Variants in ADK observed in about 807,000 individuals in gnomAD.
The protein encoded by ADK is N6,N6-dimethyladenosine kinase.
Under a neutral mutation model 44.7 loss-of-function variants are expected in ADK, and 24 were observed. That is an observed-to-expected ratio of 0.54 (90% CI 0.39 to 0.76). The LOEUF is 0.76. Among genes scored for constraint, ADK ranks in the 30% least tolerant of loss-of-function variants. ADK has a pLI of 0.00. For synonymous variants in ADK, 128 were observed against 142.6 expected (o/e 0.90, Z 0.73); for missense variants, 321 against 425.1 (o/e 0.76, Z 2.15).
In ADK at chr10:74,626,302, A is replaced by ATT. The variant is rs571501922; in HGVS notation, c.877+25826_877+25827dup. On this transcript the variant is annotated intron_variant, in intron 9 of 10. Coordinates refer to ENST00000539909, the MANE Select transcript of ADK (RefSeq NM_006721.4). ...AATATGTCTTCACTAAAGAGTCTAA[A>ATT]TTTTTTTTTTTTTTTTTTGGAGGAG... Among the ~76,000 whole-genome samples, 784 of 139,814 alleles carry ATT rather than the reference A, an allele frequency of 5.6e-3. 6 individuals carry two copies. The highest frequency in any genetic ancestry group is 0.018 in the African/African-American group (672 of 37,600). The allele number at this position is 139,814 out of a possible 152,430, so 91.7% of individuals were successfully genotyped here. A position where few individuals can be genotyped will look rare whatever the true frequency, so the allele number is the denominator to read the frequency against.
intron 9 of ADK, among the ~76,000 whole-genome samples, chr10:74,630,595 A>G (rs1319795219): frequency 6.6e-6 from 1 of 152,174 alleles, no homozygotes; most frequent in Non-Finnish European, 1.5e-5. Context: ...TCAGTGAATC[A>G]TATTCAAAGA....
intron 3 of ADK, among the ~76,000 whole-genome samples, chr10:74,300,170 C>A (rs952376407): frequency 1.5e-4 from 23 of 151,726 alleles, no homozygotes; most frequent in African/African-American, 5.6e-4. Flanking sequence ...AGGTGTGAGC[C>A]ATCATGTCCC....
At chr10:74,301,110 A>G (rs1840016888) in intron 3 of ADK, among the ~76,000 whole-genome samples, 2 of 152,246 alleles carry the variant, frequency 1.3e-5, no homozygotes, top group Non-Finnish European at 2.9e-5. Flanking sequence ...TTGGATTTAT[A>G]TCAGTATTTG....
chr10:74,446,778 C>G (rs1278871733), intron 6 of ADK, among the ~76,000 whole-genome samples: 2 of 151,974 alleles, frequency 1.3e-5, no homozygotes, highest in Non-Finnish European at 2.9e-5. Flanking sequence ...ATTGTATTTC[C>G]TCCTATTTAG....
intron 6 of ADK, among the ~76,000 whole-genome samples, chr10:74,412,278 G>A (rs1032236543): frequency 6.6e-6 from 1 of 151,982 alleles, no homozygotes; most frequent in African/African-American, 2.4e-5. Flanking sequence ...AATCTCCCAG[G>A]CAAGCTCAAG....
intron 7 of ADK, among the ~76,000 whole-genome samples, chr10:74,559,338 T>C (rs751167101): frequency 6.0e-4 from 91 of 152,260 alleles, no homozygotes; most frequent in Admixed American, 1.0e-3. Flanking sequence ...TAATTCTGTT[T>C]TGTATCTTCT....
intron 3 of ADK, among the ~76,000 whole-genome samples, chr10:74,303,668 C>T (rs1396803018): frequency 7.8e-6 from 1 of 127,554 alleles, no homozygotes; most frequent in Non-Finnish European, 1.6e-5. Context: ...TTTCAAAGTC[C>T]TTGCTTTTAA....
At chr10:74,233,397 TGGTAGTTGTGGACGTAA>T (rs1844850520) in intron 3 of ADK, among the ~76,000 whole-genome samples, 1 of 152,180 alleles carries the variant, frequency 6.6e-6, no homozygotes, top group East Asian at 1.9e-4. Context: ...GGCTTGGTCC[TGGTAGTTGTGGACGTAA>T]GGTAGAGTGG....
chr10:74,398,664 ATC>A, intron 6 of ADK, 85 bp downstream of exon 6: 1 of 717,088 alleles, frequency 1.4e-6, no homozygotes, highest in Non-Finnish European at 2.2e-6. Flanking sequence ...TAAAATAATT[ATC>A]TTTTATTTAC....
chr10:74,575,836 G>A (rs980717874), intron 7 of ADK, among the ~76,000 whole-genome samples: 22 of 152,156 alleles, frequency 1.4e-4, no homozygotes, highest in African/African-American at 5.3e-4. Flanking sequence ...AACTGAGTGA[G>A]ACTAGTACTG....
chr10:74,391,671 A>ACACG lies in ADK; in HGVS notation c.274-2467_274-2466insGCAC, dbSNP rs1157821646. ...AGAATATACACACACACACACACAC[A>ACACG]CACACACACACACACACACACACAC... On this transcript the variant is annotated intron_variant, in intron 4 of 10. Coordinates refer to ENST00000539909, the MANE Select transcript of ADK (RefSeq NM_006721.4). Among the ~76,000 whole-genome samples, 5 of 151,280 alleles carry ACACG rather than the reference A, an allele frequency of 3.3e-5. No homozygotes were observed. The East Asian group carries it at 9.7e-4, about 29-fold the overall frequency.
At chr10:74,638,338 C>G (rs1229333498) in intron 9 of ADK, among the ~76,000 whole-genome samples, 1 of 152,072 alleles carries the variant, frequency 6.6e-6, no homozygotes, top group African/African-American at 2.4e-5. Flanking sequence ...CAATATCTTA[C>G]ATGCTCTATA....
chr10:74,558,894 A>G (rs1850359122), intron 7 of ADK, among the ~76,000 whole-genome samples: 1 of 152,172 alleles, frequency 6.6e-6, no homozygotes, highest in African/African-American at 2.4e-5. Context: ...CTTCAGAGAC[A>G]AGGGTTCCTC....
At chr10:74,305,899 T>A (rs1162671020) in intron 3 of ADK, among the ~76,000 whole-genome samples, 5 of 152,040 alleles carry the variant, frequency 3.3e-5, no homozygotes, top group Non-Finnish European at 7.4e-5. Context: ...GCTATTTTTA[T>A]TTTTTTGTAG....
At chr10:74,334,714 T>A (rs1229162775) in intron 4 of ADK, among the ~76,000 whole-genome samples, 1 of 152,104 alleles carries the variant, frequency 6.6e-6, no homozygotes, top group Non-Finnish European at 1.5e-5. Context: ...TATGAGTGAT[T>A]TTTTAGGTCT....
chr10:74,228,365 CTA>C (rs1332098939), intron 3 of ADK, among the ~76,000 whole-genome samples: 1 of 152,130 alleles, frequency 6.6e-6, no homozygotes, highest in Non-Finnish European at 1.5e-5. Context: ...TTATCTAAAA[CTA>C]TAGGATTTAT....
intron 3 of ADK, among the ~76,000 whole-genome samples, chr10:74,281,264 A>G (rs1846921872): frequency 6.6e-6 from 1 of 152,240 alleles, no homozygotes; most frequent in Non-Finnish European, 1.5e-5. Context: ...CTTTATGGGA[A>G]GTTGAGTTCT....
chr10:74,308,265 A>C (rs914321083), intron 3 of ADK, among the ~76,000 whole-genome samples: 6 of 152,192 alleles, frequency 3.9e-5, no homozygotes, highest in African/African-American at 1.4e-4. Flanking sequence ...TACATGCTTA[A>C]AATTGCTTTC....
intron 7 of ADK, among the ~76,000 whole-genome samples, chr10:74,559,926 G>A (rs1850394655): frequency 6.9e-6 from 1 of 145,192 alleles, no homozygotes; most frequent in South Asian, 2.2e-4. Flanking sequence ...CTTGCAGTTT[G>A]TCCATTGACT....
Sources: gnomAD v4.1 joint callset for allele counts (sites outside exome capture counted in the v4.1 genomes callset) on GRCh38, gnomAD v4.1.1 for gene constraint, MANE v1.5 for transcripts, NCBI Gene and HGNC (gene_info 2026-07-23, HGNC 2026-07-21) for gene names.